SLC4A10: variants seen among roughly 807,000 people sequenced by gnomAD.
The protein encoded by SLC4A10 is sodium-driven chloride bicarbonate exchanger.
In SLC4A10, 42 loss-of-function variants were observed where a neutral mutation model predicts 137.7. The observed-to-expected ratio is 0.30, with a 90% CI of 0.24 to 0.39. The LOEUF is 0.39. Among genes scored for constraint, SLC4A10 ranks in the 10% least tolerant of loss-of-function variants. SLC4A10 has a pLI of 1.00. For missense variants in SLC4A10, 925 were observed against 1,355.0 expected (o/e 0.68, Z 4.98); for synonymous variants, 474 against 464.1 (o/e 1.02, Z -0.27).
intron 2 of SLC4A10, among the ~76,000 whole-genome samples, chr2:161,775,101 C>T (rs1236417277): frequency 1.1e-4 from 16 of 151,700 alleles, no homozygotes; most frequent in Admixed American, 7.2e-4. Context: ...AAGTTTCTGC[C>T]GCTTTTAAAG....
chr2:161,918,680 C>G (rs1687573502), intron 15 of SLC4A10, among the ~76,000 whole-genome samples: 1 of 152,100 alleles, frequency 6.6e-6, no homozygotes, highest in Admixed American at 6.5e-5. Context: ...CACATTGAAG[C>G]CTACTTCACC....
chr2:161,838,479 T>G (rs1575211709), intron 3 of SLC4A10, among the ~76,000 whole-genome samples: 1 of 151,988 alleles, frequency 6.6e-6, no homozygotes, highest in Non-Finnish European at 1.5e-5. Context: ...AAATCAGAAT[T>G]TATCAAAATT....
intron 15 of SLC4A10, among the ~76,000 whole-genome samples, chr2:161,925,595 T>G (rs971218203): frequency 6.6e-6 from 1 of 152,224 alleles, no homozygotes; most frequent in Admixed American, 6.5e-5. Context: ...TTCTGCTAGT[T>G]TTCGAAGGTG....
At chr2:161,653,588 C>T (rs1315096343) in intron 1 of SLC4A10, among the ~76,000 whole-genome samples, 1 of 152,194 alleles carries the variant, frequency 6.6e-6, no homozygotes, top group Non-Finnish European at 1.5e-5. Flanking sequence ...ATTATACTTT[C>T]TCTTCCTATG....
At chr2:161,947,034 C>A (rs1027757748) in intron 16 of SLC4A10, among the ~76,000 whole-genome samples, 1 of 152,106 alleles carries the variant, frequency 6.6e-6, no homozygotes, top group Admixed American at 6.6e-5. Flanking sequence ...CTGCAGAAAT[C>A]GTGTTTGTAT....
chr2:161,845,673 C>T (rs1001557336), intron 4 of SLC4A10, among the ~76,000 whole-genome samples: 17 of 151,840 alleles, frequency 1.1e-4, no homozygotes, highest in Non-Finnish European at 2.1e-4. Flanking sequence ...AAGAAATAGA[C>T]CAGCACAAGT....
At chr2:161,893,803 C>G (rs1291891389) in intron 10 of SLC4A10, among the ~76,000 whole-genome samples, 1 of 151,694 alleles carries the variant, frequency 6.6e-6, no homozygotes, top group Non-Finnish European at 1.5e-5. Context: ...AAATATATAG[C>G]ATATACATTG....
At chr2:161,645,546 A>G (rs2035916692) in intron 1 of SLC4A10, among the ~76,000 whole-genome samples, 1 of 152,030 alleles carries the variant, frequency 6.6e-6, no homozygotes, top group Non-Finnish European at 1.5e-5. Context: ...TTCTAAATGC[A>G]TATTCCTTTC....
At chr2:161,902,270 G>A (rs1046156657) in intron 12 of SLC4A10, 1 of 219,728 alleles carries the variant, frequency 4.6e-6, no homozygotes, top group South Asian at 5.4e-5. Context: ...ATAAGTAATT[G>A]ATTAGAATCA....
chr2:161,796,644 A>T (rs1389207797), intron 2 of SLC4A10, among the ~76,000 whole-genome samples: 1 of 152,216 alleles, frequency 6.6e-6, no homozygotes, highest in African/African-American at 2.4e-5. Flanking sequence ...TTTTAAGAGA[A>T]TCTACCACAT....
Position 161,677,184 on chromosome 2 carries a change from C to G in SLC4A10, c.48+52618C>G, listed in dbSNP as rs564208697. Among the ~76,000 whole-genome samples the G allele has an allele frequency of 1.9e-4, 29 of 152,118 alleles. No homozygotes were observed. The South Asian group carries it at 5.8e-3, about 31-fold the overall frequency. On this transcript the variant is annotated intron_variant, in intron 1 of 26. Transcript: ENST00000446997. ...GAGCTCTTTGCTGAAAAGAGCCTGG[C>G]ACCTCTTCCCCTCTCTCTCAGTCCC...
At chr2:161,926,411 G>A (rs1179989520) in intron 15 of SLC4A10, among the ~76,000 whole-genome samples, 1 of 68,292 alleles carries the variant, frequency 1.5e-5, no homozygotes, top group Admixed American at 1.8e-4. Flanking sequence ...TTTTTTTTTG[G>A]TAGATCTTCC....
In SLC4A10 at chr2:161,965,015, T is replaced by C. The variant is rs1408241470; in HGVS notation, c.3037-36T>C. The C allele has an allele frequency of 2.5e-6, 4 of 1,585,512 alleles. No individual in the cohort carries two copies. In the South Asian group the frequency reaches 3.5e-5, roughly 14 times the overall value. On this transcript the variant is annotated intron_variant, in intron 22 of 26. Coordinates refer to ENST00000446997, the MANE Select transcript of SLC4A10 (RefSeq NM_001178015.2). ...AAATCTACACCTCTCGTTTTAATTT[T>C]TTTTCCACTTTAAACTAGTTTATTA...
At chr2:161,769,762 T>C (rs1436181392) in intron 1 of SLC4A10, among the ~76,000 whole-genome samples, 3 of 151,830 alleles carry the variant, frequency 2.0e-5, no homozygotes, top group African/African-American at 7.2e-5. Flanking sequence ...GATTGAGATA[T>C]TGAAATTTTT....
intron 1 of SLC4A10, among the ~76,000 whole-genome samples, chr2:161,736,585 A>G (rs752812118): frequency 6.6e-6 from 1 of 152,120 alleles, no homozygotes; most frequent in Non-Finnish European, 1.5e-5. Flanking sequence ...CAAAGGGGGA[A>G]AAGCCCATTA....
intron 1 of SLC4A10, among the ~76,000 whole-genome samples, chr2:161,709,186 AAAATAGTAT>A (rs1276787646): frequency 6.6e-6 from 1 of 151,576 alleles, no homozygotes; most frequent in Non-Finnish European, 1.5e-5. Context: ...TCAAGTGATA[AAAATAGTAT>A]AAATCGATCA....
At chr2:161,773,868 A>G (rs949724994) in intron 2 of SLC4A10, among the ~76,000 whole-genome samples, 3 of 151,864 alleles carry the variant, frequency 2.0e-5, no homozygotes, top group African/African-American at 7.2e-5. Context: ...AAAGAAAACT[A>G]TCTTACTAGA....
intron 26 of SLC4A10, among the ~76,000 whole-genome samples, chr2:161,978,066 G>A (rs1185696424): frequency 6.6e-6 from 1 of 152,118 alleles, no homozygotes; most frequent in African/African-American, 2.4e-5. Flanking sequence ...TCTGGATAGG[G>A]AAAATTAAAT....
At chr2:161,629,196 T>C (rs1036317916) in intron 1 of SLC4A10, among the ~76,000 whole-genome samples, 1 of 151,982 alleles carries the variant, frequency 6.6e-6, no homozygotes, top group Admixed American at 6.6e-5. Flanking sequence ...GAGGACACCA[T>C]TGTCAATCTA....
Sources: allele counts gnomAD v4.1 joint callset (sites outside exome capture counted in the v4.1 genomes callset), GRCh38; gene constraint gnomAD v4.1.1; transcripts MANE v1.5; gene names NCBI Gene and HGNC (gene_info 2026-07-23, HGNC 2026-07-21).